Variants in DMXL2 observed in about 807,000 individuals in gnomAD.
DMXL2 encodes Dmx like 2.
Under a neutral mutation model 331.1 loss-of-function variants are expected in DMXL2, and 103 were observed. That is an observed-to-expected ratio of 0.31 (90% CI 0.27 to 0.37). DMXL2 has a LOEUF of 0.37. Ranked by LOEUF, DMXL2 falls within the 10% of genes least tolerant of loss-of-function variation. DMXL2 has a pLI of 1.00. For synonymous variants in DMXL2, 1,281 were observed against 1,252.1 expected, an observed-to-expected ratio of 1.02 and a Z score of -0.49; for missense variants, 3,171 against 3,642.9, an observed-to-expected ratio of 0.87 and a Z score of 3.33.
At chr15:51,529,487 T>C (rs2047878946) in intron 13 of DMXL2, among the ~76,000 whole-genome samples, 1 of 152,066 alleles carries the variant, frequency 6.6e-6, no homozygotes, top group African/African-American at 2.4e-5. Flanking sequence ...TATATGCCAA[T>C]AAATTGCAAA....
chr15:51,537,651 G>T lies in DMXL2; in HGVS notation c.1454C>A (p.Pro485Gln). 1 of 1,613,896 alleles carries T rather than the reference G, an allele frequency of 6.2e-7. No individual in the cohort carries two copies. Among genetic ancestry groups the T allele is most frequent in the Non-Finnish European group, 8.5e-7 (1 of 1,179,898 alleles). Residue 485 changes from proline (P) to glutamine (Q), a missense_variant, in exon 11 of 44, where the codon CCA (proline) becomes CAA (glutamine). Transcript: ENST00000560891. ...CCGATCAAGCAGAACCGTAGGCAGT[G>T]GCATTGGTACACTAAGTCGTGAGTA... is the stretch of plus-strand genomic sequence containing the variant. ...RTYSRLSVPM[P>Q]LPTVLLDRKI...
intron 27 of DMXL2, among the ~76,000 whole-genome samples, chr15:51,475,848 T>A (rs2041537674): frequency 2.0e-5 from 3 of 152,262 alleles, no homozygotes; most frequent in South Asian, 4.1e-4. Flanking sequence ...TGCAACTTAC[T>A]CTCAAATTTT....
At chr15:51,522,644 C>T (rs1170700418) in intron 13 of DMXL2, among the ~76,000 whole-genome samples, 1 of 151,926 alleles carries the variant, frequency 6.6e-6, no homozygotes, top group African/African-American at 2.4e-5. Context: ...GACTCTGTCT[C>T]AAAAAAATAA....
chr15:51,482,875 A>G (rs1353509727), intron 23 of DMXL2, among the ~76,000 whole-genome samples: 1 of 152,214 alleles, frequency 6.6e-6, no homozygotes, highest in African/African-American at 2.4e-5. Flanking sequence ...ATGAATAAAC[A>G]GCTAAGATTT....
chr15:51,557,951 C>T (rs138610848), intron 6 of DMXL2, among the ~76,000 whole-genome samples: 1 of 152,312 alleles, frequency 6.6e-6, no homozygotes, highest in East Asian at 1.9e-4. Flanking sequence ...GCCTGAGGTC[C>T]TCTGACCCAA....
Position 51,474,377 on chromosome 15 carries a change from C to A in DMXL2, c.7180G>T (p.Val2394Leu). The change falls in exon 28 of 44, where the codon GTG becomes TTG. Residue 2394 changes from valine (V) to leucine (L), a missense_variant. Around this residue, in one of 7 missense-constraint regions of DMXL2, gnomAD observed 766 missense variants for 940.5 expected, o/e 0.81. Transcript: ENST00000560891. ...AVFGGGVKLV[V>L]KPRRQSENIS... is the part of the protein sequence containing the mutation. ...TTTTCTGATTGTCTTCGAGGTTTCA[C>A]AACAAGTTTTACACCGCCTCCAAAA... 6.2e-7 allele frequency: 1 copy of A among 1,611,168 alleles called. No homozygotes were observed. The highest frequency in any genetic ancestry group is 8.5e-7 in the Non-Finnish European group (1 of 1,177,528).
chr15:51,458,851 A>C, intron 34 of DMXL2, 56 bp from the exon 35 acceptor site: 1 of 1,378,450 alleles, frequency 7.3e-7, no homozygotes, highest in Non-Finnish European at 1.0e-6. Flanking sequence ...ATTTAGAGTT[A>C]TGCACATCCC....
Position 51,498,797 on chromosome 15 carries a change from T to A in DMXL2, c.4427A>T (p.Asp1476Val). 6.2e-7 allele frequency: 1 copy of A among 1,614,198 alleles called. No homozygotes were observed. Among genetic ancestry groups the A allele is most frequent in the Non-Finnish European group, 8.5e-7 (1 of 1,180,020 alleles). ...TAAATCAATATCATCCGTTGGTATA[T>A]CCTGGATTTGAAACAGCTCTGAATA... ...DQYSELFQIQ[D>V]IPTDDIDLEP... Residue 1476 changes from aspartate to valine, a missense_variant, in exon 18 of 44, where the codon GAT becomes GTT. This residue lies in a region of DMXL2 where 1,674 missense variants were observed against 1,780.2 expected (regional missense o/e 0.94). Transcript: ENST00000560891.
In DMXL2 at chr15:51,480,640, T is replaced by C. The variant is rs1424434684; in HGVS notation, c.6466A>G (p.Arg2156Gly). Residue 2156 changes from arginine to glycine, a missense_variant, in exon 24 of 44, where the codon AGA becomes GGA. By Grantham distance (125) the Arg-to-Gly change is moderately radical. Coordinates refer to ENST00000560891, the MANE Select transcript of DMXL2 (RefSeq NM_001378457.1). Reference protein sequence around the residue: ...SWLQKNQDLLRVFLSYCSLHG... With the variant: ...SWLQKNQDLLGVFLSYCSLHG... ...AGGCTACAGTAGCTGAGAAATACTC[T>C]CAGGAGATCTTGGTTTTTCTGCAAC... The C allele has an allele frequency of 6.2e-7, 1 of 1,612,176 alleles. No individual in the cohort carries two copies. The highest frequency in any genetic ancestry group is 8.5e-7 in the Non-Finnish European group (1 of 1,178,486).
chr15:51,544,321 T>A (rs1215281203), intron 8 of DMXL2, among the ~76,000 whole-genome samples: 1 of 152,088 alleles, frequency 6.6e-6, no homozygotes, highest in African/African-American at 2.4e-5. Flanking sequence ...GTGTGGCACC[T>A]CCCCGCAACT....
chr15:51,567,490 T>C (rs2050370354), intron 3 of DMXL2: 1 of 152,158 alleles, frequency 6.6e-6, no homozygotes, highest in African/African-American at 2.4e-5. Flanking sequence ...GGGGGTACAA[T>C]TTTTTAAAGG....
At position 51,476,723 on chromosome 15, in the gene DMXL2, A is replaced by C; in HGVS notation, c.6834-4T>G. 6.3e-7 allele frequency: 1 copy of C among 1,594,376 alleles called. No individual in the cohort carries two copies. Among genetic ancestry groups the C allele is most frequent in the Non-Finnish European group, 8.5e-7 (1 of 1,175,158 alleles). On this transcript the variant is annotated splice_polypyrimidine_tract_variant and splice_region_variant and intron_variant, in intron 26 of 43. Coordinates refer to ENST00000560891, the MANE Select transcript of DMXL2 (RefSeq NM_001378457.1). ...CTGATTTCCTTCTGTTTGACTGCTA[A>C]AACAAATAGGTTCAGTTATTTATCA...
At chr15:51,555,173 TA>T (rs1326854272) in intron 6 of DMXL2, among the ~76,000 whole-genome samples, 1 of 152,144 alleles carries the variant, frequency 6.6e-6, no homozygotes, top group Non-Finnish European at 1.5e-5. Flanking sequence ...AACAATTTTT[TA>T]AATCACTCCA....
chr15:51,468,449 T>G (rs140212759), intron 29 of DMXL2, among the ~76,000 whole-genome samples: 1 of 152,210 alleles, frequency 6.6e-6, no homozygotes, highest in African/African-American at 2.4e-5. Flanking sequence ...GATTAAAACA[T>G]ATAAAATATG....
rs1431927881 is a variant in DMXL2 at position 51,501,366 on chromosome 15, T to G, written c.2993-1135A>C. 2.6e-5 allele frequency among the ~76,000 whole-genome samples: 4 copies of G among 152,346 alleles called. No individual in the cohort carries two copies. The South Asian group carries it at 6.2e-4, about 24-fold the overall frequency. On this transcript the variant is annotated intron_variant, in intron 17 of 43. Coordinates refer to ENST00000560891, the MANE Select transcript of DMXL2 (RefSeq NM_001378457.1). ...TCACTTTAAACACAGCTGCCAGACT[T>G]GCCCTCAAAATATCTACCTTGCTAA...
intron 37 of DMXL2, among the ~76,000 whole-genome samples, chr15:51,456,725 T>C (rs1275200112): frequency 6.6e-6 from 1 of 152,224 alleles, no homozygotes; most frequent in Admixed American, 6.5e-5. Context: ...GTTACTGACA[T>C]GCTTTCAAGC....
chr15:51,596,203 T>A (rs1194303614), intron 1 of DMXL2, among the ~76,000 whole-genome samples: 1 of 151,994 alleles, frequency 6.6e-6, no homozygotes, highest in African/African-American at 2.4e-5. Flanking sequence ...GAATCTACAA[T>A]GAACTCAAAC....
At chr15:51,558,394 A>C (rs1030167903) in intron 6 of DMXL2, among the ~76,000 whole-genome samples, 2 of 152,182 alleles carry the variant, frequency 1.3e-5, no homozygotes, top group African/African-American at 4.8e-5. Flanking sequence ...ATGAACCTTA[A>C]TGGGGAAAAA....
intron 1 of DMXL2, among the ~76,000 whole-genome samples, chr15:51,587,727 C>A (rs1363635381): frequency 6.6e-6 from 1 of 152,144 alleles, no homozygotes; most frequent in Non-Finnish European, 1.5e-5. Flanking sequence ...AGCTCTAGAT[C>A]CCTGAGGAAT....
Sources: allele counts gnomAD v4.1 joint callset (sites outside exome capture counted in the v4.1 genomes callset), GRCh38; gene constraint gnomAD v4.1.1; regional missense constraint gnomAD v4.1.1; transcripts MANE v1.5; gene names NCBI Gene and HGNC (gene_info 2026-07-23, HGNC 2026-07-21).